The following ZNF507 variants were observed in gnomAD, a reference collection of about 807,000 sequenced individuals.
ZNF507 encodes zinc finger protein 507.
ZNF507 carries 29 observed loss-of-function variants against 80.0 expected under a neutral mutation model. That is an observed-to-expected ratio of 0.36 (90% CI 0.27 to 0.49). ZNF507 has a LOEUF of 0.49. Ranked by LOEUF, ZNF507 falls within the 20% of genes least tolerant of loss-of-function variation. The pLI is 0.98. For missense variants in ZNF507, 1,081 were observed against 1,152.2 expected (o/e 0.94, Z 0.90); for synonymous variants, 462 against 422.5 (o/e 1.09, Z -1.15).
chr19:32,376,139 TATAAC>T (rs1967542978), intron 5 of ZNF507, among the ~76,000 whole-genome samples: 2 of 152,318 alleles, frequency 1.3e-5, no homozygotes, highest in East Asian at 3.9e-4. Flanking sequence ...AAGTTTAAAT[TATAAC>T]AGTAGCCTTC....
chr19:32,346,057 C>T (rs1044568597), intron 1 of ZNF507, among the ~76,000 whole-genome samples: 5 of 152,224 alleles, frequency 3.3e-5, no homozygotes, highest in African/African-American at 1.2e-4. Flanking sequence ...GCGTTGCTTC[C>T]TTCTCCAGGC....
intron 5 of ZNF507, among the ~76,000 whole-genome samples, chr19:32,378,596 T>G (rs1013638111): frequency 1.1e-4 from 17 of 151,974 alleles, no homozygotes; most frequent in Non-Finnish European, 2.2e-4. Context: ...ATAACTTTTC[T>G]ATATATCTGT....
At chr19:32,372,632 C>T (rs745924710) in intron 5 of ZNF507, among the ~76,000 whole-genome samples, 18 of 151,892 alleles carry the variant, frequency 1.2e-4, no homozygotes, top group Non-Finnish European at 1.5e-4. Context: ...AACTGAGGGG[C>T]GTCCTGGCTT....
Position 32,382,836 on chromosome 19 carries a change from G to C in ZNF507, c.2615G>C (p.Ser872Thr). Residue 872 changes from serine to threonine, a missense_variant, in exon 7 of 7, where the codon AGT becomes ACT. This residue lies in a region of ZNF507 where 138 missense variants were observed against 158.4 expected (regional missense o/e 0.87). Coordinates refer to ENST00000355898, the MANE Select transcript of ZNF507 (RefSeq NM_001136156.2). Reference sequence around the variant, plus strand: ...TCAGAACTGATGTCCCAGACTCCCAGTGAAGTTCTGGGTACCAACGAGAAT... The same window carrying C: ...TCAGAACTGATGTCCCAGACTCCCACTGAAGTTCTGGGTACCAACGAGAAT... ...SSSELMSQTP[S>T]EVLGTNENEK... 6.2e-7 allele frequency: 1 copy of C among 1,614,174 alleles called. No homozygotes were observed. Among genetic ancestry groups the C allele is most frequent in the Non-Finnish European group, 8.5e-7 (1 of 1,180,026 alleles).
intron 4 of ZNF507, chr19:32,357,493 A>G (rs1967268403): frequency 6.6e-6 from 1 of 152,156 alleles, no homozygotes; most frequent in South Asian, 2.1e-4. Flanking sequence ...TAAAGTTAGA[A>G]ACGACTACAG....
intron 4 of ZNF507, 184 bp downstream of exon 4, chr19:32,356,917 T>C (rs1967260487): frequency 1.2e-5 from 7 of 589,334 alleles, no homozygotes; most frequent in African/African-American, 1.9e-5. Context: ...AAGCAGATGA[T>C]TACTAGGTCC....
At chr19:32,345,845 C>G (rs1484276821) in intron 1 of ZNF507, 62 bp downstream of exon 1, 1 of 153,030 alleles carries the variant, frequency 6.5e-6, no homozygotes, top group Non-Finnish European at 1.5e-5. Context: ...CATGTGCATC[C>G]TCCCCTCAGG....
At position 32,354,868 on chromosome 19, in the gene ZNF507, A is replaced by G. The variant is rs1215634125; in HGVS notation, c.2038A>G (p.Asn680Asp). The part of the protein sequence containing the change: ...QCPICEHIAD[N>D]SKDLESHMIH... ...TCCTATCTGCGAGCACATAGCGGAC[A>G]ACAGCAAAGATTTGGAGAGTCACAT... Residue 680 changes from asparagine (N) to aspartate (D), a missense_variant, in exon 3 of 7, where the codon AAC (asparagine) becomes GAC (aspartate). Around this residue, in one of 6 missense-constraint regions of ZNF507, gnomAD observed 614 missense variants for 583.9 expected, o/e 1.05. Coordinates refer to ENST00000355898, the MANE Select transcript of ZNF507 (RefSeq NM_001136156.2). 2 of 1,614,196 alleles carry G rather than the reference A, an allele frequency of 1.2e-6. No homozygotes were observed. The highest frequency in any genetic ancestry group is 1.7e-5 in the Admixed American group (1 of 60,030).
Position 32,353,559 on chromosome 19 carries a change from A to G in ZNF507, c.729A>G (p.Glu243=). 6.8e-6 allele frequency: 11 copies of G among 1,614,210 alleles called. No homozygotes were observed. The highest frequency in any genetic ancestry group is 8.5e-6 in the Non-Finnish European group (10 of 1,180,046). Residue 243 remains glutamate, a synonymous_variant, in exon 3 of 7, where the codon GAA becomes GAG. Transcript: ENST00000355898. ...GTAGGAGGAAATGGTATGCATACGA[A>G]CAGTACGGCATGTATCGATGCTTGT... is the stretch of plus-strand genomic sequence containing the variant. ...EMGRRKWYAY[E]QYGMYRCLFC... is the part of the protein sequence containing the mutation.
rs781427190 is a variant in ZNF507, at chr19:32,353,940, G to A, written c.1110G>A (p.Glu370=). The A allele has an allele frequency of 1.2e-6, 2 of 1,614,072 alleles. No individual in the cohort carries two copies. The highest frequency in any genetic ancestry group is 2.2e-5 in the South Asian group (2 of 91,096). ...EMLEVISDAE[E]NLIPDSLLTS... is the part of the protein sequence containing the mutation. ...TAGAAGTGATTTCTGATGCAGAGGA[G>A]AATCTGATTCCTGATAGCCTGCTTA... The change falls in exon 3 of 7, where the codon GAG becomes GAA. Residue 370 remains glutamate, a synonymous_variant. Coordinates refer to ENST00000355898, the MANE Select transcript of ZNF507 (RefSeq NM_001136156.2).
Position 32,382,473 on chromosome 19 carries a change from T to G in ZNF507, c.2367T>G (p.Ser789=), listed in dbSNP as rs748663893. ...IHNSDKPYRC[S]LCGYVCSHPP... Reference sequence around the variant, plus strand: ...TTGCCTGCCTGTCTTCCAGATGCTCTCTGTGTGGGTATGTGTGTAGCCATC... The same window carrying G: ...TTGCCTGCCTGTCTTCCAGATGCTCGCTGTGTGGGTATGTGTGTAGCCATC... The change falls in exon 6 of 7, where the codon TCT becomes TCG. Residue 789 remains serine (S), a synonymous_variant. Transcript: ENST00000355898. 1 of 1,613,662 alleles carries G rather than the reference T, an allele frequency of 6.2e-7. No individual in the cohort carries two copies. The highest frequency in any genetic ancestry group is 1.7e-5 in the Admixed American group (1 of 59,928).
chr19:32,359,215 G>A (rs777356451), intron 4 of ZNF507: 1 of 152,068 alleles, frequency 6.6e-6, no homozygotes, highest in Non-Finnish European at 1.5e-5. Flanking sequence ...TATGATTAGT[G>A]TGTATATTAA....
At chr19:32,379,585 C>T (rs1967597580) in intron 5 of ZNF507, among the ~76,000 whole-genome samples, 1 of 152,074 alleles carries the variant, frequency 6.6e-6, no homozygotes, top group African/African-American at 2.4e-5. Flanking sequence ...TGCAGGTATT[C>T]GTGAATAACT....
rs1301163623 is a variant in ZNF507 at position 32,386,837 on chromosome 19, T to G, written c.*3754T>G. 1 of 152,632 alleles carries G rather than the reference T, an allele frequency of 6.6e-6. No homozygotes were observed. Among genetic ancestry groups the G allele is most frequent in the African/African-American group, 2.4e-5 (1 of 41,458 alleles). The allele number at this position is 152,632 out of a possible 1,614,324, so 9.5% of individuals were successfully genotyped here. ...TTAATATTGTATTTTGGTAATAAAT[T>G]TTTTGTTAAAAAAAACTTGGCTCCA... On this transcript the variant is annotated 3_prime_UTR_variant, in exon 7 of 7. Transcript: ENST00000355898.
intron 2 of ZNF507, among the ~76,000 whole-genome samples, chr19:32,349,575 G>A (rs1020966782): frequency 1.3e-5 from 2 of 152,306 alleles, no homozygotes; most frequent in East Asian, 3.9e-4. Flanking sequence ...TAAACTGCAA[G>A]TATTAAGAAT....
intron 5 of ZNF507, among the ~76,000 whole-genome samples, chr19:32,373,215 C>T (rs1188552398): frequency 1.3e-5 from 2 of 151,084 alleles, no homozygotes; most frequent in Admixed American, 6.6e-5. Context: ...ATAGGAATTT[C>T]GGGGGGGGCA....
chr19:32,348,665 G>A (rs76098397), intron 2 of ZNF507, among the ~76,000 whole-genome samples: 15,586 of 152,170 alleles, frequency 0.1, 858 homozygotes, highest in Middle Eastern at 0.13. Flanking sequence ...TCTGGTTTGG[G>A]ATACAACTTT....
intron 5 of ZNF507, among the ~76,000 whole-genome samples, chr19:32,366,667 A>G (rs746599074): frequency 2.6e-5 from 4 of 152,228 alleles, no homozygotes; most frequent in Non-Finnish European, 5.9e-5. Context: ...TACCATTTTA[A>G]CATTCTTTTA....
chr19:32,356,794 A>T, intron 4 of ZNF507, 61 bp downstream of exon 4: 1 of 1,305,926 alleles, frequency 7.7e-7, no homozygotes, highest in Non-Finnish European at 1.1e-6. Flanking sequence ...AAGTGCCCTT[A>T]GTTGTCATGG....
Sources: gnomAD v4.1 joint callset for allele counts (sites outside exome capture counted in the v4.1 genomes callset) on GRCh38, gnomAD v4.1.1 for gene constraint, gnomAD v4.1.1 regional missense constraint, MANE v1.5 for transcripts, NCBI Gene and HGNC (gene_info 2026-07-23, HGNC 2026-07-21) for gene names.